Variants in GLIPR1 observed in about 807,000 individuals in gnomAD.
GLIPR1 encodes the protein glioma pathogenesis-related protein 1.
In GLIPR1, 38 loss-of-function variants were observed where a neutral mutation model predicts 30.3. The observed-to-expected ratio is 1.26, with a 90% confidence interval of 0.97 to 1.65. GLIPR1 has a LOEUF of 1.65. GLIPR1 is among the 40% of genes most tolerant of loss of function. The pLI, the probability that GLIPR1 is intolerant of heterozygous loss-of-function variation, is 0.00. For synonymous variants in GLIPR1, 122 were observed against 110.6 expected (o/e 1.10, Z -0.65); for missense variants, 285 against 326.5 (o/e 0.87, Z 0.98).
chr12:75,495,390 A>C (rs2046344136), intron 3 of GLIPR1, 187 bp from the exon 4 acceptor site: 2 of 541,686 alleles, frequency 3.7e-6, no homozygotes, highest in South Asian at 2.4e-5. Flanking sequence ...ACACAGGTAC[A>C]TAGAATGAAC....
At chr12:75,485,858 T>G (rs1244531233) in intron 2 of GLIPR1, among the ~76,000 whole-genome samples, 5 of 152,194 alleles carry the variant, frequency 3.3e-5, no homozygotes. Context: ...TGTTTCACAA[T>G]TTCTGTAGTA....
In GLIPR1 at chr12:75,503,754, A is replaced by G; in HGVS notation, c.*4776A>G. 1 of 648,410 alleles carries G rather than the reference A, an allele frequency of 1.5e-6. No individual in the cohort carries two copies. The highest frequency in any genetic ancestry group is 2.5e-6 in the Non-Finnish European group (1 of 403,846). 40.2% of individuals were successfully genotyped at this position (648,410 alleles called of 1,614,324 possible). ...CACTCAGCTCAAAATATGCCTATTTATATTTACCCTCAGTTTCTTATAGCT... is the reference window on the plus strand; with the variant it reads ...CACTCAGCTCAAAATATGCCTATTTGTATTTACCCTCAGTTTCTTATAGCT... On this transcript the variant is annotated 3_prime_UTR_variant, in exon 6 of 6. Transcript: ENST00000266659.
Position 75,500,110 on chromosome 12 carries a change from C to T in GLIPR1, c.*1132C>T. 1 of 523,348 alleles carries T rather than the reference C, an allele frequency of 1.9e-6. No individual in the cohort carries two copies. Among genetic ancestry groups the T allele is most frequent in the South Asian group, 3.5e-5 (1 of 28,982 alleles). 32.4% of individuals were successfully genotyped at this position (523,348 alleles called of 1,614,324 possible). Reference sequence around the variant, plus strand: ...GTGATCACAGTATAAAATATAAAAACACTTGCCTAAAGCAGTTAGAAATTT... The same window carrying T: ...GTGATCACAGTATAAAATATAAAAATACTTGCCTAAAGCAGTTAGAAATTT... On this transcript the variant is annotated 3_prime_UTR_variant, in exon 6 of 6. Transcript: ENST00000266659.
chr12:75,487,659 C>T (rs2046299826), intron 2 of GLIPR1: 1 of 425,960 alleles, frequency 2.3e-6, no homozygotes, highest in Non-Finnish European at 4.7e-6. Flanking sequence ...GTCCCCACTT[C>T]TACCACACCT....
chr12:75,499,006 A>C lies in GLIPR1; in HGVS notation c.*28A>C. On this transcript the variant is annotated 3_prime_UTR_variant, in exon 6 of 6. Coordinates refer to ENST00000266659, the MANE Select transcript of GLIPR1 (RefSeq NM_006851.3). ...CAATTCAGGAAAGAAAAAACCCAAA[A>C]ACCAACCTCATTCACATATGGCTTT... 4.7e-6 allele frequency: 7 copies of C among 1,495,896 alleles called. No homozygotes were observed. The highest frequency in any genetic ancestry group is 6.3e-6 in the Non-Finnish European group (7 of 1,119,362). 92.7% of individuals were successfully genotyped at this position (1,495,896 alleles called of 1,614,324 possible).
At chr12:75,488,027 TG>T (rs2120516675) in intron 2 of GLIPR1, among the ~76,000 whole-genome samples, 1 of 152,254 alleles carries the variant, frequency 6.6e-6, no homozygotes, top group East Asian at 1.9e-4. Context: ...ACTGTCATGG[TG>T]GGAGTGCAGC....
chr12:75,481,252 A>T (rs1320344178), intron 1 of GLIPR1, 198 bp downstream of exon 1: 1 of 417,738 alleles, frequency 2.4e-6, no homozygotes, highest in African/African-American at 2.1e-5. Flanking sequence ...CAAGTGCCAC[A>T]GCACATTTTA....
intron 2 of GLIPR1, chr12:75,484,148 T>C (rs1170828292): frequency 6.6e-6 from 1 of 152,158 alleles, no homozygotes; most frequent in Admixed American, 6.5e-5. Flanking sequence ...CATACAGATA[T>C]TAAAACCCAA....
rs184910246 is a variant in GLIPR1, at chr12:75,487,050, A to G, written c.421-3356A>G. Among the ~76,000 whole-genome samples the G allele has an allele frequency of 6.6e-5, 10 of 152,348 alleles. No individual in the cohort carries two copies. The East Asian group carries it at 1.9e-3, about 29-fold the overall frequency. ...ACTAACATTTGCACACTTCTGAGGA[A>G]AAAGTATTAAAATGGGGAAGGGATC... On this transcript the variant is annotated intron_variant, in intron 2 of 5. Transcript: ENST00000266659.
intron 3 of GLIPR1, chr12:75,491,083 T>G (rs912493151): frequency 9.2e-5 from 14 of 152,228 alleles, no homozygotes; most frequent in African/African-American, 2.9e-4. Flanking sequence ...CTGATCATAC[T>G]GAAAATATAC....
At chr12:75,483,397 A>G (rs2120496576) in intron 2 of GLIPR1, 1 of 152,318 alleles carries the variant, frequency 6.6e-6, no homozygotes, top group Middle Eastern at 3.4e-3. Flanking sequence ...ACCCTATAAC[A>G]GGCACTAGTG....
At chr12:75,482,260 C>T (rs1010003722) in intron 2 of GLIPR1, among the ~76,000 whole-genome samples, 181 bp downstream of exon 2, 2 of 152,098 alleles carry the variant, frequency 1.3e-5, no homozygotes, top group Non-Finnish European at 2.9e-5. Flanking sequence ...GAACTAAACA[C>T]ATAATAGGTA....
chr12:75,495,997 G>GTT (rs370713345), intron 4 of GLIPR1: 1,805 of 132,046 alleles, frequency 0.014, 20 homozygotes, highest in South Asian at 0.023. Context: ...TTCTGTTTTC[G>GTT]TTTTTTTTTT....
chr12:75,500,814 C>A lies in GLIPR1; in HGVS notation c.*1836C>A, dbSNP rs1283708563. The A allele has an allele frequency of 2.0e-5, 3 of 151,956 alleles. No individual in the cohort carries two copies. The highest frequency in any genetic ancestry group is 7.3e-5 in the African/African-American group (3 of 41,372). 9.4% of individuals were successfully genotyped at this position (151,956 alleles called of 1,614,324 possible). A position where few individuals can be genotyped will look rare whatever the true frequency, so the allele number is the denominator to read the frequency against. On this transcript the variant is annotated 3_prime_UTR_variant, in exon 6 of 6. Coordinates refer to ENST00000266659, the MANE Select transcript of GLIPR1 (RefSeq NM_006851.3). ...AAGCACAGAGTGTTAAAGCCTCCAC[C>A]GTGTGGAGAAACTAAATTAGGGTAA...
At chr12:75,483,906 C>T (rs1391384591) in intron 2 of GLIPR1, 1 of 152,196 alleles carries the variant, frequency 6.6e-6, no homozygotes, top group Non-Finnish European at 1.5e-5. Flanking sequence ...AAATTGACAA[C>T]AGACTCCTAA....
intron 3 of GLIPR1, chr12:75,492,913 A>G (rs1478699451): frequency 6.6e-6 from 1 of 152,220 alleles, no homozygotes; most frequent in African/African-American, 2.4e-5. Context: ...GCCCCTGTTT[A>G]GAATAATCAG....
chr12:75,489,278 T>C (rs1300187133), intron 2 of GLIPR1, among the ~76,000 whole-genome samples: 1 of 152,110 alleles, frequency 6.6e-6, no homozygotes, highest in Non-Finnish European at 1.5e-5. Flanking sequence ...ACAGCGCAGG[T>C]CTCTCTGTTC....
In GLIPR1 at chr12:75,503,648, A is replaced by G; in HGVS notation, c.*4670A>G. The G allele has an allele frequency of 3.4e-6, 1 of 297,030 alleles. No individual in the cohort carries two copies. The allele number at this position is 297,030 out of a possible 1,614,324, so 18.4% of individuals were successfully genotyped here. On this transcript the variant is annotated 3_prime_UTR_variant, in exon 6 of 6. Transcript: ENST00000266659. ...GACTAAACGAACTTTTATCCATGGA[A>G]CATTTACAGTGGCTACAGGGTCACA...
At chr12:75,492,306 TC>T (rs2046328250) in intron 3 of GLIPR1, 1 of 152,274 alleles carries the variant, frequency 6.6e-6, no homozygotes, top group South Asian at 2.1e-4. Context: ...CATCTCCAAC[TC>T]CTGGGCTAAA....
Sources: gnomAD v4.1 joint callset for allele counts (sites outside exome capture counted in the v4.1 genomes callset) on GRCh38, gnomAD v4.1.1 for gene constraint, MANE v1.5 for transcripts, NCBI Gene and HGNC (gene_info 2026-07-23, HGNC 2026-07-21) for gene names.